The following GUCY1A2 variants were observed in gnomAD, a reference collection of about 807,000 sequenced individuals.
GUCY1A2 encodes the protein guanylate cyclase soluble subunit alpha-2.
In GUCY1A2, 27 loss-of-function variants were observed where a neutral mutation model predicts 63.5. The observed-to-expected ratio is 0.43, with a 90% CI of 0.31 to 0.59. The LOEUF is 0.59. Among genes scored for constraint, GUCY1A2 ranks in the 20% least tolerant of loss-of-function variants. The pLI is 0.11. For missense variants in GUCY1A2, 768 were observed against 913.3 expected, an observed-to-expected ratio of 0.84 and a Z score of 2.05; for synonymous variants, 364 against 343.5, an observed-to-expected ratio of 1.06 and a Z score of -0.66.
intron 4 of GUCY1A2, among the ~76,000 whole-genome samples, chr11:106,925,030 C>T (rs138460334): frequency 2.0e-5 from 3 of 151,996 alleles, no homozygotes; most frequent in Admixed American, 6.6e-5. Flanking sequence ...AAAACAAAAC[C>T]ATGTATCATC....
At chr11:106,730,299 T>C (rs1048131544) in intron 6 of GUCY1A2, among the ~76,000 whole-genome samples, 1 of 151,470 alleles carries the variant, frequency 6.6e-6, no homozygotes, top group Non-Finnish European at 1.5e-5. Flanking sequence ...TAGGCCCTGG[T>C]GTCTGTTGTC....
intron 1 of GUCY1A2, among the ~76,000 whole-genome samples, chr11:107,003,428 T>G (rs1359898559): frequency 6.6e-6 from 1 of 152,172 alleles, no homozygotes; most frequent in Non-Finnish European, 1.5e-5. Context: ...ATTCTTTCTG[T>G]ATATTTCCCC....
At chr11:106,922,307 G>A (rs1271296859) in intron 4 of GUCY1A2, among the ~76,000 whole-genome samples, 1 of 151,982 alleles carries the variant, frequency 6.6e-6, no homozygotes, top group African/African-American at 2.4e-5. Flanking sequence ...CCAAACATAG[G>A]ATAAAGTCTT....
chr11:106,708,783 T>A, intron 6 of GUCY1A2, 117 bp from the exon 7 acceptor site: 1 of 595,270 alleles, frequency 1.7e-6, no homozygotes, highest in South Asian at 4.1e-5. Flanking sequence ...TATGAGCTCC[T>A]CAAAGACAGG....
At chr11:106,968,487 T>A (rs543999066) in intron 3 of GUCY1A2, among the ~76,000 whole-genome samples, 1 of 152,212 alleles carries the variant, frequency 6.6e-6, no homozygotes, top group African/African-American at 2.4e-5. Context: ...CTCTGGACAA[T>A]GTTCAATCCT....
At chr11:106,813,685 A>T (rs1181922776) in intron 4 of GUCY1A2, among the ~76,000 whole-genome samples, 7 of 152,018 alleles carry the variant, frequency 4.6e-5, no homozygotes, top group Non-Finnish European at 8.8e-5. Flanking sequence ...TTTGAATTTC[A>T]ACTCTCCTGA....
At chr11:106,985,583 C>T (rs1388998152) in intron 2 of GUCY1A2, among the ~76,000 whole-genome samples, 1 of 152,212 alleles carries the variant, frequency 6.6e-6, no homozygotes, top group African/African-American at 2.4e-5. Context: ...TCTTACTTTA[C>T]ACCACATCAC....
At chr11:106,904,417 T>G (rs1860176023) in intron 4 of GUCY1A2, among the ~76,000 whole-genome samples, 1 of 152,174 alleles carries the variant, frequency 6.6e-6, no homozygotes, top group African/African-American at 2.4e-5. Flanking sequence ...GTGTAACCAC[T>G]GATTACTGTG....
intron 1 of GUCY1A2, among the ~76,000 whole-genome samples, chr11:106,997,006 G>GA (rs1052820798): frequency 4.0e-5 from 6 of 151,596 alleles, no homozygotes; most frequent in South Asian, 2.1e-4. Flanking sequence ...ACTTTTTCTG[G>GA]AAAAAAAATT....
chr11:106,940,036 A>C lies in GUCY1A2; in HGVS notation c.630T>G (p.Ile210Met), dbSNP rs1328065027. The change falls in exon 4 of 8, where the codon ATT (isoleucine) becomes ATG (methionine). Residue 210 changes from isoleucine (I) to methionine (M), a missense_variant. Ile to Met is a conservative substitution (Grantham distance 10). Transcript: ENST00000526355. ...TGGCCTGTTTTCCAAAAGAAGTTCT[A>C]ATGTGTTCCAACAAAGCATCAAAGC... is the stretch of plus-strand genomic sequence containing the variant. The part of the protein sequence containing the change: ...FNGFDALLEH[I>M]RTSFGKQATL... The C allele has an allele frequency of 6.2e-7, 1 of 1,613,976 alleles. No individual in the cohort carries two copies. Among genetic ancestry groups the C allele is most frequent in the Admixed American group, 1.7e-5 (1 of 60,016 alleles).
intron 3 of GUCY1A2, among the ~76,000 whole-genome samples, chr11:106,946,044 C>T (rs954525493): frequency 6.6e-6 from 1 of 152,070 alleles, no homozygotes; most frequent in African/African-American, 2.4e-5. Context: ...AAATTTTGTT[C>T]ATATTCTGAA....
intron 4 of GUCY1A2, among the ~76,000 whole-genome samples, chr11:106,850,247 T>C (rs1233747222): frequency 6.6e-6 from 1 of 151,808 alleles, no homozygotes; most frequent in Non-Finnish European, 1.5e-5. Flanking sequence ...TATACATTTA[T>C]GGAACGTAGA....
chr11:106,911,779 C>G (rs560644712), intron 4 of GUCY1A2, among the ~76,000 whole-genome samples: 2 of 152,088 alleles, frequency 1.3e-5, no homozygotes, highest in East Asian at 3.9e-4. Context: ...CTATTGAAAA[C>G]TATACATAAA....
At chr11:106,766,578 G>A (rs1864167730) in intron 6 of GUCY1A2, among the ~76,000 whole-genome samples, 1 of 150,372 alleles carries the variant, frequency 6.7e-6, no homozygotes, top group South Asian at 2.1e-4. Context: ...AACAAATAAA[G>A]AGATTAAATA....
rs552049006 is a variant in GUCY1A2, at chr11:106,931,520, C to T, written c.1206+7940G>A. The stretch of plus-strand genomic sequence containing the variant: ...AGTTCAAGAGAAATGGGAACATATC[C>T]ACACAAACTCTTGTATGTGAATGTT... On this transcript the variant is annotated intron_variant, in intron 4 of 7. Transcript: ENST00000526355. Among the ~76,000 whole-genome samples the T allele has an allele frequency of 2.0e-5, 3 of 152,252 alleles. No homozygotes were observed. The South Asian group carries it at 6.2e-4, about 32-fold the overall frequency.
At chr11:106,936,774 C>A in intron 4 of GUCY1A2, 4 of 860,022 alleles carry the variant, frequency 4.7e-6, no homozygotes, top group Non-Finnish European at 7.3e-6. Flanking sequence ...ACAAACAAAA[C>A]AGTTAAATTA....
intron 4 of GUCY1A2, among the ~76,000 whole-genome samples, chr11:106,936,157 C>A (rs1167592986): frequency 6.6e-6 from 1 of 152,142 alleles, no homozygotes; most frequent in African/African-American, 2.4e-5. Context: ...AAGATTCATT[C>A]CATACCAAGA....
At position 106,980,040 on chromosome 11, in the gene GUCY1A2, T is replaced by C. The variant is rs190510019; in HGVS notation, c.366-1300A>G. 1.1e-3 allele frequency among the ~76,000 whole-genome samples: 161 copies of C among 152,212 alleles called. 1 individual carries two copies. Among genetic ancestry groups the C allele is most frequent in the African/African-American group, 3.8e-3 (157 of 41,540 alleles). ...GGGGATTACCCATCTCATTCCCCAG[T>C]GAACATCTGCAGAGGCAGTGGATTT... On this transcript the variant is annotated intron_variant, in intron 2 of 7. Transcript: ENST00000526355.
chr11:106,941,755 G>T (rs1184535178), intron 3 of GUCY1A2, among the ~76,000 whole-genome samples: 1 of 152,186 alleles, frequency 6.6e-6, no homozygotes, highest in East Asian at 1.9e-4. Flanking sequence ...TTCTTTAAGA[G>T]CTTACTATAG....
Sources: gnomAD v4.1 joint callset for allele counts (sites outside exome capture counted in the v4.1 genomes callset) on GRCh38, gnomAD v4.1.1 for gene constraint, MANE v1.5 for transcripts, NCBI Gene and HGNC (gene_info 2026-07-23, HGNC 2026-07-21) for gene names.